DNTT: variants seen among roughly 807,000 people sequenced by gnomAD.
The protein encoded by DNTT is nucleosidetriphosphate:DNA deoxynucleotidylexotransferase.
In DNTT, 47 loss-of-function variants were observed where a neutral mutation model predicts 60.9. That is an observed-to-expected ratio of 0.77 (90% CI 0.61 to 0.98). The LOEUF is 0.98. Ranked by LOEUF, DNTT falls within the 50% of genes least tolerant of loss-of-function variation. The pLI is 0.00. For missense variants in DNTT, 665 were observed against 627.5 expected, an observed-to-expected ratio of 1.06 and a Z score of -0.64; for synonymous variants, 224 against 221.2, an observed-to-expected ratio of 1.01 and a Z score of -0.11.
At chr10:96,308,248 C>T (rs1163825434) in intron 1 of DNTT, among the ~76,000 whole-genome samples, 2 of 152,168 alleles carry the variant, frequency 1.3e-5, no homozygotes, top group Non-Finnish European at 2.9e-5. Context: ...GGAGCTATTT[C>T]ATTCTGCAAC....
chr10:96,324,244 C>A, intron 5 of DNTT, 22 bp from the exon 6 acceptor site: 1 of 1,607,224 alleles, frequency 6.2e-7, no homozygotes, highest in South Asian at 1.1e-5. Context: ...AGACTGATGG[C>A]ATGCCTTTCC....
Position 96,304,738 on chromosome 10 carries a change from G to GATCTT in DNTT, c.203+38_203+39insATCTT, listed in dbSNP as rs1844613732. 1.9e-6 allele frequency: 3 copies of GATCTT among 1,596,956 alleles called. No individual in the cohort carries two copies. The East Asian group carries it at 6.8e-5, about 36-fold the overall frequency. ...CGATCTTGCTTTGTAAATAAGCAGA[G>GATCTT]GCTTTGTGAACAGCTTCTTGGGAAC... is the stretch of plus-strand genomic sequence containing the variant. On this transcript the variant is annotated intron_variant, in intron 1 of 10. Transcript: ENST00000371174.
chr10:96,331,212 G>T (rs1466782040), intron 8 of DNTT, among the ~76,000 whole-genome samples: 5 of 152,222 alleles, frequency 3.3e-5, no homozygotes, highest in African/African-American at 1.2e-4. Context: ...GAAATAGCAA[G>T]TCATCTTGCC....
intron 2 of DNTT, 62 bp downstream of exon 2, chr10:96,318,588 G>A: frequency 6.4e-6 from 10 of 1,560,228 alleles, no homozygotes; most frequent in Non-Finnish European, 8.7e-6. Flanking sequence ...ATAGGCTTAG[G>A]ATCAACGGAG....
chr10:96,319,369 C>T lies in DNTT; in HGVS notation c.486C>T (p.Asn162=). The change falls in exon 3 of 11, where the codon AAC becomes AAT. Residue 162 remains asparagine (N), a synonymous_variant. Transcript: ENST00000371174. The stretch of plus-strand genomic sequence containing the variant: ...CGTGTCAGAGAAGAACCACTTTAAA[C>T]AACTGTAACCAGATATTCACGGTAA... ...QYACQRRTTL[N]NCNQIFTDAF... The T allele has an allele frequency of 6.2e-7, 1 of 1,613,788 alleles. No individual in the cohort carries two copies. The highest frequency in any genetic ancestry group is 8.5e-7 in the Non-Finnish European group (1 of 1,179,748).
chr10:96,336,157 G>T lies in DNTT; in HGVS notation c.1443+183G>T, dbSNP rs138151884. ...TCCACAGACTCGCAGTTTCCACCCG[G>T]CCCAGAATGCAATTCGAGAGATTTT... On this transcript the variant is annotated intron_variant, in intron 10 of 10. Transcript: ENST00000371174. Among the ~76,000 whole-genome samples the T allele has an allele frequency of 3.9e-4, 60 of 152,284 alleles. 1 individual carries two copies. The highest frequency in any genetic ancestry group is 1.3e-3 in the African/African-American group (56 of 41,556).
chr10:96,314,402 C>CTTTTTTTTTTTTTT (rs869059822), intron 1 of DNTT, among the ~76,000 whole-genome samples: 565 of 53,180 alleles, frequency 0.011, 142 homozygotes, highest in Non-Finnish European at 0.016. Flanking sequence ...TATCTCTTCC[C>CTTTTTTTTTTTTTT]TTTTTTTTTT....
chr10:96,311,332 ACCAT>A, intron 1 of DNTT, among the ~76,000 whole-genome samples: 1 of 152,348 alleles, frequency 6.6e-6, no homozygotes, highest in South Asian at 2.1e-4. Context: ...ACAGCAGGTG[ACCAT>A]CCATGAGGAT....
chr10:96,319,296 GC>G lies in DNTT; in HGVS notation c.419del (p.Pro140ArgfsTer22). The stretch of plus-strand genomic sequence containing the variant: ...GACTATTCAGATAGCACCAACCCAG[GC>G]CCCCCGAAGACTCCACCAATTGCTG... ...RRDYSDSTNP[G>X]PPKTPPIAVQ... On this transcript the variant is annotated frameshift_variant, in exon 3 of 11. Coordinates refer to ENST00000371174, the MANE Select transcript of DNTT (RefSeq NM_004088.4). LOFTEE classifies it high-confidence loss of function. 2 of 1,613,644 alleles carry G rather than the reference GC, an allele frequency of 1.2e-6. No individual in the cohort carries two copies. Among genetic ancestry groups the G allele is most frequent in the South Asian group, 1.1e-5 (1 of 91,044 alleles).
Position 96,328,759 on chromosome 10 carries a change from A to G in DNTT, c.1042A>G (p.Ile348Val). 1 of 1,613,950 alleles carries G rather than the reference A, an allele frequency of 6.2e-7. No individual in the cohort carries two copies. The highest frequency in any genetic ancestry group is 8.5e-7 in the Non-Finnish European group (1 of 1,179,928). ...KKMGHDVDFL[I>V]TSPGSTEDEE... ...GATGGGGCATGATGTAGATTTTTTA[A>G]TTACCAGCCCAGGATCAACAGAGGA... Residue 348 changes from isoleucine to valine, a missense_variant, in exon 8 of 11, where the codon ATT becomes GTT. By Grantham distance (29) the Ile-to-Val change is conservative. Coordinates refer to ENST00000371174, the MANE Select transcript of DNTT (RefSeq NM_004088.4).
chr10:96,308,354 C>T lies in DNTT; in HGVS notation c.203+3654C>T, dbSNP rs1056908978. ...GTGCCATAGGAAGCTGGTCTTAAAACGTAGATAAGGGAAAGTATTAAAACC... is the reference window on the plus strand; with the variant it reads ...GTGCCATAGGAAGCTGGTCTTAAAATGTAGATAAGGGAAAGTATTAAAACC... On this transcript the variant is annotated intron_variant, in intron 1 of 10. Coordinates refer to ENST00000371174, the MANE Select transcript of DNTT (RefSeq NM_004088.4). Among the ~76,000 whole-genome samples, 13 of 152,222 alleles carry T rather than the reference C, an allele frequency of 8.5e-5. No individual in the cohort carries two copies. In the East Asian group the frequency reaches 9.6e-4, roughly 11 times the overall value.
chr10:96,324,358 A>G lies in DNTT; in HGVS notation c.843A>G (p.Lys281=), dbSNP rs1448808611. The G allele has an allele frequency of 1.2e-6, 2 of 1,613,756 alleles. No individual in the cohort carries two copies. Among genetic ancestry groups the G allele is most frequent in the Admixed American group, 3.3e-5 (2 of 59,998 alleles). The change falls in exon 6 of 11, where the codon AAA becomes AAG. Residue 281 remains lysine, a synonymous_variant. Transcript: ENST00000371174. ...CTCTGAGTAAAGTAAGGTCGGACAA[A>G]AGCCTGAAATTTACACGAATGCAGA... is the stretch of plus-strand genomic sequence containing the variant. ...FRTLSKVRSD[K]SLKFTRMQKA...
rs368773639 is a variant in DNTT at position 96,335,930 on chromosome 10, C to A, written c.1399C>A (p.Arg467=). The A allele has an allele frequency of 2.5e-6, 4 of 1,614,066 alleles. No homozygotes were observed. Among genetic ancestry groups the A allele is most frequent in the South Asian group, 1.1e-5 (1 of 91,086 alleles). ...RDLRRYATHE[R]KMILDNHALY... ...CCTCCGGCGCTATGCCACACATGAG[C>A]GGAAGATGATTCTGGATAACCATGC... Residue 467 remains arginine (R), a synonymous_variant, in exon 10 of 11, where the codon CGG becomes AGG. Coordinates refer to ENST00000371174, the MANE Select transcript of DNTT (RefSeq NM_004088.4).
chr10:96,309,419 TA>T (rs1844682405), intron 1 of DNTT, among the ~76,000 whole-genome samples: 1 of 151,894 alleles, frequency 6.6e-6, no homozygotes, highest in Non-Finnish European at 1.5e-5. Context: ...CACCTGGAAT[TA>T]AAAAAGTAGC....
chr10:96,338,307 GT>G lies in DNTT; in HGVS notation c.*86del. 3.8e-6 allele frequency: 5 copies of G among 1,319,648 alleles called. No homozygotes were observed. The East Asian group carries it at 1.2e-4, about 32-fold the overall frequency. 81.7% of individuals were successfully genotyped at this position (1,319,648 alleles called of 1,614,324 possible). ...TATTAGTAAAAGATGCCATAGGAGA[GT>G]TTGGGGTTATTTAGGTCTTATTGAA... On this transcript the variant is annotated 3_prime_UTR_variant, in exon 11 of 11. Coordinates refer to ENST00000371174, the MANE Select transcript of DNTT (RefSeq NM_004088.4).
At position 96,320,407 on chromosome 10, in the gene DNTT, G is replaced by T. The variant is rs148146464; in HGVS notation, c.508-211G>T. Among the ~76,000 whole-genome samples, 14 of 152,284 alleles carry T rather than the reference G, an allele frequency of 9.2e-5. No homozygotes were observed. In the East Asian group the frequency reaches 2.7e-3, roughly 29 times the overall value. On this transcript the variant is annotated intron_variant, in intron 3 of 10. Transcript: ENST00000371174. Reference sequence around the variant, plus strand: ...TAATAGCAGTGTACTCCAAGTTTCCGCATAATGCACTCTGGTACCTGTCTT... The same window carrying T: ...TAATAGCAGTGTACTCCAAGTTTCCTCATAATGCACTCTGGTACCTGTCTT...
At chr10:96,304,725 G>C in intron 1 of DNTT, 25 bp downstream of exon 1, 3 of 1,606,574 alleles carry the variant, frequency 1.9e-6, no homozygotes, top group Non-Finnish European at 2.6e-6. Context: ...ATCTTGCTTT[G>C]TAAATAAGCA....
chr10:96,312,832 C>A (rs116115562), intron 1 of DNTT, among the ~76,000 whole-genome samples: 1 of 152,156 alleles, frequency 6.6e-6, no homozygotes, highest in Admixed American at 6.5e-5. Context: ...TTTAACCTAG[C>A]TTCCTGGATG....
chr10:96,321,584 T>C (rs1462099656), intron 4 of DNTT, among the ~76,000 whole-genome samples: 4 of 152,138 alleles, frequency 2.6e-5, no homozygotes, highest in Non-Finnish European at 5.9e-5. Context: ...GATTACCAAT[T>C]TCAAGTGTTT....
Sources: allele counts gnomAD v4.1 joint callset (sites outside exome capture counted in the v4.1 genomes callset), GRCh38; gene constraint gnomAD v4.1.1; transcripts MANE v1.5; gene names NCBI Gene and HGNC (gene_info 2026-07-23, HGNC 2026-07-21).